ASB5: variants seen among roughly 807,000 people sequenced by gnomAD.
The protein encoded by ASB5 is ankyrin repeat and SOCS box containing 5, also known as ankyrin repeat and SOCS box protein 5.
A neutral mutation model predicts 42.1 loss-of-function variants in ASB5; 45 were observed. The observed-to-expected ratio is 1.07, with a 90% CI of 0.84 to 1.37. The LOEUF (loss-of-function observed/expected upper bound fraction) is 1.37. ASB5 is among the 40% of genes most tolerant of loss of function. The probability of loss-of-function intolerance (pLI) is 0.00; values close to 1 mark genes in which losing one functional copy is unlikely to be tolerated. For missense variants in ASB5, 402 were observed against 399.8 expected, an observed-to-expected ratio of 1.01 and a Z score of -0.05; for synonymous variants, 147 against 150.6, an observed-to-expected ratio of 0.98 and a Z score of 0.18.
At chr4:176,248,655 T>C (rs1753957697) in intron 1 of ASB5, among the ~76,000 whole-genome samples, 1 of 152,192 alleles carries the variant, frequency 6.6e-6, no homozygotes. Context: ...ATTTACATTA[T>C]TGAGAATGAA....
chr4:176,252,449 C>G (rs1350363667), intron 1 of ASB5, among the ~76,000 whole-genome samples: 1 of 152,236 alleles, frequency 6.6e-6, no homozygotes, highest in Non-Finnish European at 1.5e-5. Flanking sequence ...CTTCCTCTTT[C>G]CCTTTCTTCC....
intron 5 of ASB5, among the ~76,000 whole-genome samples, chr4:176,220,815 GGC>G (rs1234020348): frequency 2.6e-5 from 4 of 152,072 alleles, no homozygotes; most frequent in African/African-American, 9.7e-5. Context: ...ATACATACTT[GGC>G]AACATCATAT....
At chr4:176,260,824 G>A (rs1393546304) in intron 1 of ASB5, among the ~76,000 whole-genome samples, 2 of 152,006 alleles carry the variant, frequency 1.3e-5, no homozygotes. Context: ...TTACAGGCAC[G>A]TGCTGCAACA....
intron 1 of ASB5, among the ~76,000 whole-genome samples, chr4:176,265,524 C>A (rs1020656293): frequency 2.6e-5 from 4 of 152,090 alleles, no homozygotes; most frequent in African/African-American, 9.7e-5. Context: ...CTCAAAAAAT[C>A]AATGCTTAGA....
intron 1 of ASB5, among the ~76,000 whole-genome samples, chr4:176,254,601 G>C (rs2603095): frequency 6.6e-6 from 1 of 151,522 alleles, no homozygotes; most frequent in African/African-American, 2.4e-5. Context: ...AACTATTAAC[G>C]GAGTAAACAA....
chr4:176,239,413 T>A (rs1441501076), intron 1 of ASB5, among the ~76,000 whole-genome samples: 1 of 152,236 alleles, frequency 6.6e-6, no homozygotes, highest in East Asian at 1.9e-4. Flanking sequence ...ATAATAATAT[T>A]CCTACAGAAT....
intron 1 of ASB5, among the ~76,000 whole-genome samples, chr4:176,247,818 T>C (rs1035134733): frequency 2.6e-5 from 4 of 152,106 alleles, no homozygotes; most frequent in African/African-American, 9.7e-5. Context: ...AAATTAAGAG[T>C]TTCTGTTCAC....
At chr4:176,222,902 C>A (rs1212052104) in intron 2 of ASB5, among the ~76,000 whole-genome samples, 1 of 151,816 alleles carries the variant, frequency 6.6e-6, no homozygotes. Context: ...CTCAGCCTCC[C>A]GAGTAGCTGG....
chr4:176,219,435 TATATATATTTGTATGATATATAA>T (rs1485801347), intron 5 of ASB5, among the ~76,000 whole-genome samples: 3,260 of 80,480 alleles, frequency 0.041, 8 homozygotes, highest in Middle Eastern at 0.057. Context: ...GATATATAAA[TATATATATTTGTATGATATATAA>T]ATATATATAT....
intron 4 of ASB5, 47 bp from the exon 5 acceptor site, chr4:176,221,336 A>T (rs772805804): frequency 1.2e-6 from 2 of 1,607,188 alleles, no homozygotes; most frequent in East Asian, 4.5e-5. Context: ...CATCCACCCC[A>T]CACACCTCAC....
At chr4:176,219,943 T>A (rs1310109511) in intron 5 of ASB5, among the ~76,000 whole-genome samples, 1 of 152,126 alleles carries the variant, frequency 6.6e-6, no homozygotes, top group East Asian at 1.9e-4. Flanking sequence ...TCCAATCGTT[T>A]GGTTTCCCTT....
In ASB5 at chr4:176,215,708, G is replaced by A. The variant is rs61756321; in HGVS notation, c.882C>T (p.Tyr294=). 4.4e-4 allele frequency: 703 copies of A among 1,612,552 alleles called. 10 individuals carry two copies. The East Asian group carries it at 0.016, about 36-fold the overall frequency. Residue 294 remains tyrosine (Y), a synonymous_variant, in exon 7 of 7, where the codon TAC becomes TAT. Transcript: ENST00000296525. ...TTCGGATACAGAGTCGGCAAAGTTG[G>A]TAAAGAGAGCTTGGGGTAGCTACAA... The part of the protein sequence containing the change: ...LQHEATPSSL[Y]QLCRLCIRSY...
intron 1 of ASB5, among the ~76,000 whole-genome samples, chr4:176,234,786 C>A (rs1445743290): frequency 6.6e-6 from 1 of 152,168 alleles, no homozygotes; most frequent in African/African-American, 2.4e-5. Context: ...CACATATTGG[C>A]TCACTCTGTT....
chr4:176,237,582 A>C (rs72706399), intron 1 of ASB5: 150,353 of 983,344 alleles, frequency 0.15, 12,180 homozygotes, highest in Admixed American at 0.19. Context: ...ATTGAACTCT[A>C]TTCAGAAACA....
At chr4:176,260,209 A>G (rs1194319036) in intron 1 of ASB5, among the ~76,000 whole-genome samples, 1 of 152,216 alleles carries the variant, frequency 6.6e-6, no homozygotes, top group Non-Finnish European at 1.5e-5. Flanking sequence ...TCTGTTCGAA[A>G]GGGGGAAGGG....
In ASB5 at chr4:176,221,229, G is replaced by C; in HGVS notation, c.596C>G (p.Pro199Arg). The change falls in exon 5 of 7, where the codon CCT becomes CGT. Residue 199 changes from proline (P) to arginine (R), a missense_variant. Pro to Arg is a moderately radical substitution (Grantham distance 103, BLOSUM62 -2). Transcript: ENST00000296525. ...TACATAGAGAGGAGTTCCCAAATGA[G>C]GAATTTCTTGGTCAACATCTATGCC... ...SWGIDVDQEI[P>R]HLGTPLYVAC... 1.2e-6 allele frequency: 2 copies of C among 1,614,000 alleles called. No individual in the cohort carries two copies. Among genetic ancestry groups the C allele is most frequent in the Non-Finnish European group, 1.7e-6 (2 of 1,179,944 alleles).
chr4:176,242,485 T>C (rs2126964141), intron 1 of ASB5, among the ~76,000 whole-genome samples: 2 of 152,364 alleles, frequency 1.3e-5, no homozygotes, highest in East Asian at 3.9e-4. Context: ...AGATCAGTTG[T>C]GTTATTTAGA....
intron 1 of ASB5, among the ~76,000 whole-genome samples, chr4:176,232,102 A>G (rs997306009): frequency 6.8e-6 from 1 of 147,740 alleles, no homozygotes; most frequent in Non-Finnish European, 1.5e-5. Context: ...CAGATCTCTT[A>G]CCTATTTTAT....
intron 1 of ASB5, among the ~76,000 whole-genome samples, chr4:176,259,434 T>C (rs1754215911): frequency 6.6e-6 from 1 of 152,220 alleles, no homozygotes; most frequent in Non-Finnish European, 1.5e-5. Context: ...ATAAATCTCC[T>C]CAGTGGCTAA....
Sources: allele counts gnomAD v4.1 joint callset (sites outside exome capture counted in the v4.1 genomes callset), GRCh38; gene constraint gnomAD v4.1.1; transcripts MANE v1.5; gene names NCBI Gene and HGNC (gene_info 2026-07-23, HGNC 2026-07-21).